Variants in KIF17 observed in about 807,000 individuals in gnomAD.
The protein encoded by KIF17 is kinesin-like protein KIF17.
A neutral mutation model predicts 96.8 loss-of-function variants in KIF17; 80 were observed. The ratio of observed to expected loss-of-function variants is 0.83; its 90% CI spans 0.69 to 1.00. The LOEUF is 1.00. Ranked by LOEUF, KIF17 falls within the 50% of genes least tolerant of loss-of-function variation. The pLI is 0.00. For missense variants in KIF17, 1,280 were observed against 1,372.9 expected, an observed-to-expected ratio of 0.93 and a Z score of 1.07; for synonymous variants, 567 against 587.5, an observed-to-expected ratio of 0.97 and a Z score of 0.51.
At chr1:20,717,222 G>C (rs2054593197) in intron 1 of KIF17, 2 of 537,408 alleles carry the variant, frequency 3.7e-6, no homozygotes, top group Admixed American at 6.5e-5. Context: ...CCAGCTACTT[G>C]GGAGGCTGAG....
At position 20,698,459 on chromosome 1, in the gene KIF17, G is replaced by A. The variant is rs1159074407; in HGVS notation, c.1153C>T (p.Pro385Ser). The A allele has an allele frequency of 1.9e-6, 3 of 1,613,484 alleles. No individual in the cohort carries two copies. Among genetic ancestry groups the A allele is most frequent in the Non-Finnish European group, 2.5e-6 (3 of 1,179,938 alleles). Residue 385 changes from proline (P) to serine (S), a missense_variant, in exon 6 of 15, where the codon CCT (proline) becomes TCT (serine). Coordinates refer to ENST00000400463, the MANE Select transcript of KIF17 (RefSeq NM_001122819.3). ...ALLSRQVPPD[P>S]VQVEEKLLPQ... is the part of the protein sequence containing the mutation. Reference sequence around the variant, plus strand: ...AACAGCTTCTCCTCCACCTGCACAGGGTCTGGGGGCACCTGCCTGGACAGC... The same window carrying A: ...AACAGCTTCTCCTCCACCTGCACAGAGTCTGGGGGCACCTGCCTGGACAGC...
intron 3 of KIF17, among the ~76,000 whole-genome samples, chr1:20,711,389 C>T (rs983351615): frequency 1.3e-5 from 2 of 152,144 alleles, no homozygotes; most frequent in Admixed American, 6.5e-5. Flanking sequence ...ACTCCACCCC[C>T]GACGCCTGGG....
At chr1:20,703,166 G>GATGGATGGATGA (rs1276048610) in intron 5 of KIF17, among the ~76,000 whole-genome samples, 11 of 81,022 alleles carry the variant, frequency 1.4e-4, no homozygotes, top group East Asian at 3.2e-4. Context: ...GAAGGATGGA[G>GATGGATGGATGA]ATGGATGGAT....
Position 20,664,617 on chromosome 1 carries a change from T to C in KIF17, c.3054A>G (p.Lys1018=), listed in dbSNP as rs200994586. 2.8e-5 allele frequency: 46 copies of C among 1,614,050 alleles called. No individual in the cohort carries two copies. The East Asian group carries it at 1.0e-3, about 35-fold the overall frequency. ...DIPFTKAKRK[K]SKSNFGSEPL ...GCTCACTGCCAAAGTTGCTTTTGCTTTTCTTACGCTTGGCCTTGGTGAAAG... is the reference window on the plus strand; with the variant it reads ...GCTCACTGCCAAAGTTGCTTTTGCTCTTCTTACGCTTGGCCTTGGTGAAAG... The change falls in exon 15 of 15, where the codon AAA becomes AAG. Residue 1018 remains lysine, a synonymous_variant. Transcript: ENST00000400463.
rs144359850 is a variant in KIF17, at chr1:20,717,572, G to C, written c.135C>G (p.Ala45=). The change falls in exon 1 of 15, where the codon GCC becomes GCG. Residue 45 remains alanine, a synonymous_variant. Coordinates refer to ENST00000400463, the MANE Select transcript of KIF17 (RefSeq NM_001122819.3). ...AQCCIQNPGA[A]DEPPKQFTFD... ...AGGTGAACTGCTTGGGCGGCTCGTC[G>C]GCGGCGCCCGGGTTCTGGATGCAGC... 6.5e-5 allele frequency: 104 copies of C among 1,611,716 alleles called. No homozygotes were observed. In the African/African-American group the frequency reaches 1.0e-3, roughly 15 times the overall value.
intron 7 of KIF17, 102 bp from the exon 8 acceptor site, chr1:20,688,046 T>A: frequency 3.1e-6 from 3 of 954,776 alleles, no homozygotes; most frequent in Non-Finnish European, 4.8e-6. Flanking sequence ...TTTTGTTTGT[T>A]TTTTTTTTGT....
intron 11 of KIF17, among the ~76,000 whole-genome samples, chr1:20,678,806 C>G (rs370843873): frequency 2.0e-4 from 30 of 152,190 alleles, no homozygotes; most frequent in East Asian, 1.4e-3. Context: ...GAGACCAGTA[C>G]GTGTGCAGGA....
At chr1:20,716,942 C>T (rs569130145) in intron 1 of KIF17, among the ~76,000 whole-genome samples, 1 of 152,110 alleles carries the variant, frequency 6.6e-6, no homozygotes, top group Non-Finnish European at 1.5e-5. Flanking sequence ...GTTCTGAGAC[C>T]CCAAGGGCCC....
intron 6 of KIF17, 120 bp downstream of exon 6, chr1:20,698,259 G>A (rs2054175841): frequency 2.7e-6 from 2 of 733,980 alleles, no homozygotes; most frequent in Non-Finnish European, 4.9e-6. Context: ...AGCTTTCTCA[G>A]GACCAAACCC....
intron 11 of KIF17, among the ~76,000 whole-genome samples, chr1:20,673,176 T>C (rs1188400388): frequency 6.6e-6 from 1 of 151,962 alleles, no homozygotes; most frequent in African/African-American, 2.4e-5. Context: ...ATCACACCAG[T>C]GCACTCCAGC....
rs1386735178 is a variant in KIF17, at chr1:20,717,461, G to A, written c.231+15C>T. 4.3e-6 allele frequency: 7 copies of A among 1,609,426 alleles called. No individual in the cohort carries two copies. The highest frequency in any genetic ancestry group is 5.9e-6 in the Non-Finnish European group (7 of 1,179,376). On this transcript the variant is annotated intron_variant, in intron 1 of 14. Transcript: ENST00000400463. ...TGCCCTGCCGCCTGCAGGGCGGCCT[G>A]CCGGGCGCCCTCACCTCCACCAGCG...
Position 20,717,836 on chromosome 1 carries a change from CGGCGGGGGGCGGGGA to C in KIF17, c.-145_-131del. On this transcript the variant is annotated 5_prime_UTR_variant, in exon 1 of 15. Coordinates refer to ENST00000400463, the MANE Select transcript of KIF17 (RefSeq NM_001122819.3). ...GGGCCTTGAGGCAGGGGCGGGGCCG[CGGCGGGGGGCGGGGA>C]CCCCTCGGGGGGCGCCCCGGAGGGG... The C allele has an allele frequency of 2.4e-6, 2 of 848,632 alleles. No homozygotes were observed. Among genetic ancestry groups the C allele is most frequent in the South Asian group, 1.2e-4 (2 of 17,004 alleles). 52.6% of individuals were successfully genotyped at this position (848,632 alleles called of 1,614,324 possible). A position where few individuals can be genotyped will look rare whatever the true frequency, so the allele number is the denominator to read the frequency against.
At chr1:20,691,022 C>T (rs894670205) in intron 6 of KIF17, among the ~76,000 whole-genome samples, 5 of 151,620 alleles carry the variant, frequency 3.3e-5, no homozygotes, top group Non-Finnish European at 4.4e-5. Context: ...TTTTGTAGGC[C>T]GGGCGTGGTG....
chr1:20,675,922 C>A (rs57653936), intron 11 of KIF17, among the ~76,000 whole-genome samples: 3,257 of 152,216 alleles, frequency 0.021, 129 homozygotes, highest in African/African-American at 0.074. Context: ...CATCTGTAAT[C>A]CCAGCTACTC....
chr1:20,709,085 T>A lies in KIF17; in HGVS notation c.670+554A>T, dbSNP rs12042868. Among the ~76,000 whole-genome samples the A allele has an allele frequency of 6.6e-6, 1 of 151,992 alleles. No individual in the cohort carries two copies. Among genetic ancestry groups the A allele is most frequent in the African/African-American group, 2.4e-5 (1 of 41,348 alleles). On this transcript the variant is annotated intron_variant, in intron 4 of 14. Transcript: ENST00000400463. The surrounding 1 kb of genome is among the most constrained non-coding windows in gnomAD (Gnocchi z 4.7). ...AGTGCTGTAGGAGTAAGTGAGATAA[T>A]GCACACACATTGCCTGGCACACTGG...
chr1:20,674,628 C>T (rs2053705211), intron 11 of KIF17, among the ~76,000 whole-genome samples: 1 of 150,702 alleles, frequency 6.6e-6, no homozygotes, highest in Non-Finnish European at 1.5e-5. Context: ...CCTAAGAAAC[C>T]ACTGCCTAAT....
At chr1:20,705,674 C>T (rs1435624434) in intron 4 of KIF17, among the ~76,000 whole-genome samples, 4 of 152,124 alleles carry the variant, frequency 2.6e-5, no homozygotes, top group African/African-American at 9.7e-5. Flanking sequence ...CATGCCTTTT[C>T]CTACACATGA....
In KIF17 at chr1:20,703,185, G is replaced by GAAT. The variant is rs55634097; in HGVS notation, c.1123+1261_1123+1262insATT. Among the ~76,000 whole-genome samples, 35 of 143,616 alleles carry GAAT rather than the reference G, an allele frequency of 2.4e-4. No homozygotes were observed. The East Asian group carries it at 5.6e-3, about 23-fold the overall frequency. The allele number at this position is 143,616 out of a possible 152,430, so 94.2% of individuals were successfully genotyped here. ...GATGGAGATGGATGGATGAATGGATGGACGGATGGATGGGAGATGGAAGGA... is the reference window on the plus strand; with the variant it reads ...GATGGAGATGGATGGATGAATGGATGAATGACGGATGGATGGGAGATGGAAGGA... On this transcript the variant is annotated intron_variant, in intron 5 of 14. Transcript: ENST00000400463.
At chr1:20,667,391 T>C (rs1046709930) in intron 13 of KIF17, among the ~76,000 whole-genome samples, 8 of 152,184 alleles carry the variant, frequency 5.3e-5, no homozygotes, top group Non-Finnish European at 1.0e-4. Context: ...CAGGAAAACA[T>C]GCTCACGGCT....
Sources: gnomAD v4.1 joint callset for allele counts (sites outside exome capture counted in the v4.1 genomes callset) on GRCh38, gnomAD v4.1.1 for gene constraint, Gnocchi (gnomAD v3.1) non-coding constraint, MANE v1.5 for transcripts, NCBI Gene and HGNC (gene_info 2026-07-23, HGNC 2026-07-21) for gene names.